Variants in CCDC171 observed in about 807,000 individuals in gnomAD.
The protein encoded by CCDC171 is coiled-coil domain containing 171, also known as coiled-coil domain-containing protein 171.
CCDC171 carries 177 observed loss-of-function variants against 168.2 expected under a neutral mutation model. The ratio of observed to expected loss-of-function variants is 1.05; its 90% CI spans 0.93 to 1.19. The LOEUF is 1.19. Among genes scored for constraint, CCDC171 ranks in the 50% most tolerant of loss-of-function variants. The probability of loss-of-function intolerance (pLI) is 0.00; values close to 1 mark genes in which losing one functional copy is unlikely to be tolerated. For synonymous variants in CCDC171, 687 were observed against 540.8 expected, an observed-to-expected ratio of 1.27 and a Z score of -3.75; for missense variants, 1,991 against 1,539.0, an observed-to-expected ratio of 1.29 and a Z score of -4.91.
At chr9:15,633,354 G>T (rs1024691568) in intron 7 of CCDC171, among the ~76,000 whole-genome samples, 4 of 151,984 alleles carry the variant, frequency 2.6e-5, no homozygotes, top group Admixed American at 6.6e-5. Context: ...CATCAAAAAC[G>T]GGGCAAAGGA....
At chr9:15,761,195 G>C (rs2056426611) in intron 18 of CCDC171, among the ~76,000 whole-genome samples, 1 of 152,136 alleles carries the variant, frequency 6.6e-6, no homozygotes, top group Admixed American at 6.5e-5. Context: ...CTAGAAGATA[G>C]ATGACCCAAA....
chr9:15,777,827 G>GT lies in CCDC171; in HGVS notation c.2898+2dup, dbSNP rs1476392951. ...TTTGCGTGGCCATGTGCCCATTACG[G>GT]TATGTATACACTTTCATTTAGTAGT... On this transcript the variant is annotated splice_donor_variant, in intron 19 of 25. Coordinates refer to ENST00000380701, the MANE Select transcript of CCDC171 (RefSeq NM_173550.4). LOFTEE classifies it high-confidence loss of function. The GT allele has an allele frequency of 6.3e-7, 1 of 1,588,700 alleles. No homozygotes were observed. The highest frequency in any genetic ancestry group is 8.6e-7 in the Non-Finnish European group (1 of 1,168,558).
In CCDC171 at chr9:15,711,837, A is replaced by G. The variant is rs182098375; in HGVS notation, c.1319-9932A>G. 4.1e-4 allele frequency among the ~76,000 whole-genome samples: 63 copies of G among 152,250 alleles called. 1 individual carries two copies. Among genetic ancestry groups the G allele is most frequent in the Middle Eastern group, 3.4e-3 (1 of 294 alleles). On this transcript the variant is annotated intron_variant, in intron 11 of 25. Coordinates refer to ENST00000380701, the MANE Select transcript of CCDC171 (RefSeq NM_173550.4). ...CTCTGTACTTAGTCCTTCTTTTTCT[A>G]TCTGGTCACATGTAACTGGTATTTT...
intron 6 of CCDC171, among the ~76,000 whole-genome samples, chr9:15,605,861 T>C (rs1047473389): frequency 1.3e-5 from 2 of 152,296 alleles, no homozygotes; most frequent in Admixed American, 1.3e-4. Context: ...TCTTTTGATG[T>C]TCATACCTTA....
chr9:15,927,578 T>A (rs866328020), intron 25 of CCDC171, among the ~76,000 whole-genome samples: 6 of 151,762 alleles, frequency 4.0e-5, no homozygotes, highest in African/African-American at 1.4e-4. Flanking sequence ...AAATAATAAA[T>A]TACAATGCAG....
intron 5 of CCDC171, among the ~76,000 whole-genome samples, chr9:15,593,027 C>T (rs1216955941): frequency 6.6e-6 from 1 of 151,972 alleles, no homozygotes; most frequent in Non-Finnish European, 1.5e-5. Context: ...TCCCCACTCC[C>T]CCACCCCACA....
At chr9:16,050,641 A>C (rs1833736817) in intron 1 of CCDC171, among the ~76,000 whole-genome samples, 1 of 152,240 alleles carries the variant, frequency 6.6e-6, no homozygotes, top group Non-Finnish European at 1.5e-5. Flanking sequence ...CAAATTTGAC[A>C]CCACAAAAGT....
rs376704554 is a variant in CCDC171, at chr9:15,571,780, A to G, written c.177+21A>G. On this transcript the variant is annotated intron_variant, in intron 3 of 25. Transcript: ENST00000380701. ...CAGAGGTACGATTTATTTTCCTCTC[A>G]AATAATGTTAAAAGTTGAGTTTGAT... is the stretch of plus-strand genomic sequence containing the variant. The G allele has an allele frequency of 1.3e-5, 21 of 1,558,894 alleles. No homozygotes were observed. The Admixed American group carries it at 4.7e-4, about 35-fold the overall frequency.
At chr9:16,067,920 G>A in the CCDC171 span, among the ~76,000 whole-genome samples, 890 of 152,134 alleles carry the variant, frequency 5.9e-3, 10 homozygotes, top group African/African-American at 0.021. Flanking sequence ...TTGTTCTTCT[G>A]GCTTAGGATT....
chr9:15,620,611 T>C (rs527933814), intron 6 of CCDC171, among the ~76,000 whole-genome samples: 82 of 152,316 alleles, frequency 5.4e-4, no homozygotes, highest in Non-Finnish European at 1.1e-3. Context: ...GGAGATGCTG[T>C]GAACATTACT....
At chr9:15,802,355 C>T (rs2058865185) in intron 21 of CCDC171, among the ~76,000 whole-genome samples, 1 of 151,816 alleles carries the variant, frequency 6.6e-6, no homozygotes. Flanking sequence ...ATTCTATCAC[C>T]CAGGTATTAA....
At chr9:15,683,544 A>G (rs2050180587) in intron 10 of CCDC171, among the ~76,000 whole-genome samples, 1 of 152,052 alleles carries the variant, frequency 6.6e-6, no homozygotes, top group African/African-American at 2.4e-5. Context: ...TTGCTAATAT[A>G]AATATCACTT....
chr9:15,867,196 A>ATAGT (rs2061826471), intron 23 of CCDC171, among the ~76,000 whole-genome samples: 1 of 152,058 alleles, frequency 6.6e-6, no homozygotes, highest in Non-Finnish European at 1.5e-5. Flanking sequence ...GTGGAATGGA[A>ATAGT]TAGTGTCAAA....
chr9:15,554,553 C>A (rs749033912), intron 1 of CCDC171, among the ~76,000 whole-genome samples: 4 of 152,134 alleles, frequency 2.6e-5, no homozygotes, highest in Middle Eastern at 3.2e-3. Context: ...GCGTTAGGTT[C>A]TTTATCTGTC....
chr9:15,987,887 C>G (rs1264936245), intron 3 of CCDC171, among the ~76,000 whole-genome samples: 1 of 150,690 alleles, frequency 6.6e-6, no homozygotes, highest in East Asian at 1.9e-4. Context: ...GAATTGTATA[C>G]AAAATTCTTA....
At chr9:15,836,208 C>A (rs1166424867) in intron 21 of CCDC171, among the ~76,000 whole-genome samples, 1 of 152,140 alleles carries the variant, frequency 6.6e-6, no homozygotes, top group Non-Finnish European at 1.5e-5. Context: ...TAACTCTAAA[C>A]AGTGACTTTA....
intron 3 of CCDC171, among the ~76,000 whole-genome samples, chr9:15,990,229 C>G (rs768281123): frequency 6.6e-6 from 1 of 152,068 alleles, no homozygotes; most frequent in Non-Finnish European, 1.5e-5. Context: ...CAGCAGATCT[C>G]TTGGCAGAAA....
intron 13 of CCDC171, 74 bp downstream of exon 13, chr9:15,723,820 A>T: frequency 1.5e-6 from 1 of 686,466 alleles, no homozygotes; most frequent in South Asian, 2.3e-5. Context: ...TTTAAAGTAG[A>T]GATATTGAGG....
chr9:15,939,223 GTAT>G (rs1275884775), intron 25 of CCDC171, among the ~76,000 whole-genome samples: 11 of 151,010 alleles, frequency 7.3e-5, no homozygotes, highest in South Asian at 6.2e-4. Flanking sequence ...CTATTTCATG[GTAT>G]TATACTATTT....
Sources: allele counts gnomAD v4.1 joint callset (sites outside exome capture counted in the v4.1 genomes callset), GRCh38; gene constraint gnomAD v4.1.1; transcripts MANE v1.5; gene names NCBI Gene and HGNC (gene_info 2026-07-23, HGNC 2026-07-21).